Variants in LYST observed in about 807,000 individuals in gnomAD.
The protein encoded by LYST is lysosomal trafficking regulator.
LYST carries 192 observed loss-of-function variants against 413.6 expected under a neutral mutation model. The observed-to-expected ratio is 0.46, with a 90% CI of 0.41 to 0.52. The LOEUF is 0.52. LYST is among the 20% of genes least tolerant of loss of function. The pLI is 0.00. For missense variants in LYST, 3,815 were observed against 4,499.9 expected (o/e 0.85, Z 4.35); for synonymous variants, 1,525 against 1,567.3 (o/e 0.97, Z 0.64).
rs1404576555 is a variant in LYST, at chr1:235,716,594, A to G, written c.9627+118T>C. ...CATAATGATTTCTAGTTGTCTGTCA[A>G]TCCTAGTACAAGAAGGTAAAAAATC... On this transcript the variant is annotated intron_variant, in intron 41 of 52. Coordinates refer to ENST00000389793, the MANE Select transcript of LYST (RefSeq NM_000081.4). 2.2e-5 allele frequency: 15 copies of G among 668,938 alleles called. No individual in the cohort carries two copies. In the East Asian group the frequency reaches 3.4e-4, roughly 15 times the overall value. 41.4% of individuals were successfully genotyped at this position (668,938 alleles called of 1,614,324 possible).
chr1:235,846,006 C>T (rs960182676), intron 1 of LYST, among the ~76,000 whole-genome samples: 6 of 152,216 alleles, frequency 3.9e-5, no homozygotes, highest in East Asian at 3.9e-4. Flanking sequence ...TTCTGGAAAG[C>T]GCCACCTCCT....
intron 12 of LYST, among the ~76,000 whole-genome samples, chr1:235,790,182 T>C (rs1048215745): frequency 6.6e-6 from 1 of 152,248 alleles, no homozygotes; most frequent in Non-Finnish European, 1.5e-5. Context: ...TATTTATTCA[T>C]TTTATAAGAG....
At chr1:235,675,975 G>A (rs928652302) in intron 50 of LYST, among the ~76,000 whole-genome samples, 2 of 152,176 alleles carry the variant, frequency 1.3e-5, no homozygotes, top group Non-Finnish European at 2.9e-5. Context: ...GTCCAACACT[G>A]AATGGACAGA....
At chr1:235,851,982 A>G (rs1436320372) in intron 1 of LYST, among the ~76,000 whole-genome samples, 1 of 152,232 alleles carries the variant, frequency 6.6e-6, no homozygotes, top group African/African-American at 2.4e-5. Context: ...TGGTATGTTC[A>G]ACTTTCATTG....
chr1:235,769,467 G>A (rs898196856), intron 20 of LYST, among the ~76,000 whole-genome samples: 1 of 151,920 alleles, frequency 6.6e-6, no homozygotes, highest in African/African-American at 2.4e-5. Flanking sequence ...AAGCAAAGGC[G>A]CTCAAAATAT....
intron 44 of LYST, among the ~76,000 whole-genome samples, chr1:235,706,434 C>T (rs1373454028): frequency 6.6e-6 from 1 of 152,188 alleles, no homozygotes; most frequent in East Asian, 1.9e-4. Context: ...TTTGTCCTAT[C>T]ATTTTTCTTC....
At chr1:235,730,082 T>C (rs1359196979) in intron 36 of LYST, among the ~76,000 whole-genome samples, 1 of 151,846 alleles carries the variant, frequency 6.6e-6, no homozygotes, top group Admixed American at 6.6e-5. Context: ...ATTATGAAGG[T>C]AATTTATCAA....
At chr1:235,736,533 A>G (rs1453681198) in intron 31 of LYST, 2 of 152,226 alleles carry the variant, frequency 1.3e-5, no homozygotes, top group South Asian at 2.1e-4. Context: ...AGATATGATT[A>G]TCTTGAAAAG....
chr1:235,860,979 T>G, intron 1 of LYST, among the ~76,000 whole-genome samples: 1 of 152,192 alleles, frequency 6.6e-6, no homozygotes, highest in East Asian at 1.9e-4. Flanking sequence ...CTGGCTTTTT[T>G]TCGTGCTGTG....
intron 31 of LYST, chr1:235,738,908 G>T (rs1665074090): frequency 1.4e-6 from 1 of 733,984 alleles, no homozygotes; most frequent in African/African-American, 1.7e-5. Context: ...GTGTGAAGGT[G>T]ACTCTGACTC....
At chr1:235,741,335 C>T (rs776262485) in intron 31 of LYST, 87 bp downstream of exon 31, 12 of 1,131,180 alleles carry the variant, frequency 1.1e-5, no homozygotes, top group Non-Finnish European at 1.5e-5. Context: ...TAGGCATGAA[C>T]ATTCAGTTTA....
intron 50 of LYST, among the ~76,000 whole-genome samples, chr1:235,671,753 A>G (rs899919671): frequency 1.3e-5 from 2 of 152,232 alleles, no homozygotes; most frequent in African/African-American, 2.4e-5. Flanking sequence ...TGACATAAGG[A>G]AGAAAGCCAG....
rs1222748343 is a variant in LYST at position 235,667,216 on chromosome 1, C to A, written c.11039-2595G>T. ...CCTTCGTATACACAGTCATGAAAAT[C>A]AAAATAAATTAAAGAACCACCCCAC... On this transcript the variant is annotated intron_variant, in intron 50 of 52. Transcript: ENST00000389793. Among the ~76,000 whole-genome samples, 4 of 152,144 alleles carry A rather than the reference C, an allele frequency of 2.6e-5. No individual in the cohort carries two copies. The East Asian group carries it at 7.7e-4, about 29-fold the overall frequency.
intron 50 of LYST, among the ~76,000 whole-genome samples, chr1:235,675,778 G>A (rs1235123792): frequency 6.6e-6 from 1 of 152,144 alleles, no homozygotes. Context: ...TGAACCTGAG[G>A]GTGGGGCTCA....
At chr1:235,691,085 T>A (rs1251031171) in intron 47 of LYST, among the ~76,000 whole-genome samples, 1 of 151,906 alleles carries the variant, frequency 6.6e-6, no homozygotes, top group Non-Finnish European at 1.5e-5. Flanking sequence ...CCCAGCTAAT[T>A]TTTTTTGTAT....
rs779224371 is a variant in LYST, at chr1:235,759,052, A to G, written c.6801T>C (p.Asp2267=). The change falls in exon 23 of 53, where the codon GAT becomes GAC. Residue 2267 remains aspartate, a synonymous_variant. Transcript: ENST00000389793. Reference sequence around the variant, plus strand: ...AGTTTTCCCAATCATCAGTGTTTCTATCAACAAGACTTGGCCAACGGCCAA... The same window carrying G: ...AGTTTTCCCAATCATCAGTGTTTCTGTCAACAAGACTTGGCCAACGGCCAA... ...AAVGRWPSLV[D]RNTDDWENFA... The G allele has an allele frequency of 1.9e-6, 3 of 1,614,144 alleles. No homozygotes were observed. The East Asian group carries it at 6.7e-5, about 36-fold the overall frequency.
intron 1 of LYST, chr1:235,840,211 G>A (rs1419982246): frequency 1.3e-5 from 2 of 152,178 alleles, no homozygotes; most frequent in African/African-American, 2.4e-5. Flanking sequence ...AGGGTACTAT[G>A]TACTGCTAAG....
At chr1:235,762,651 C>T in intron 22 of LYST, 69 bp downstream of exon 22, 2 of 1,488,970 alleles carry the variant, frequency 1.3e-6, no homozygotes, top group Admixed American at 1.7e-5. Flanking sequence ...AAAATATGTA[C>T]AATTTAATTA....
intron 3 of LYST, chr1:235,827,698 C>T: frequency 1.0e-6 from 1 of 982,788 alleles, no homozygotes; most frequent in Non-Finnish European, 1.2e-6. Context: ...ATTATTGCTA[C>T]AGATATTCCA....
Sources: gnomAD v4.1 joint callset for allele counts (sites outside exome capture counted in the v4.1 genomes callset) on GRCh38, gnomAD v4.1.1 for gene constraint, MANE v1.5 for transcripts, NCBI Gene and HGNC (gene_info 2026-07-23, HGNC 2026-07-21) for gene names.